Variants in FMN1 observed in about 807,000 individuals in gnomAD.
FMN1 encodes formin 1.
A neutral mutation model predicts 132.4 loss-of-function variants in FMN1; 110 were observed. That is an observed-to-expected ratio of 0.83 (90% CI 0.71 to 0.97). The LOEUF (loss-of-function observed/expected upper bound fraction) is 0.97. Among genes scored for constraint, FMN1 ranks in the 50% least tolerant of loss-of-function variants. The probability of loss-of-function intolerance (pLI) is 0.00; values close to 1 mark genes in which losing one functional copy is unlikely to be tolerated. For synonymous variants in FMN1, 722 were observed against 651.7 expected (o/e 1.11, Z -1.64); for missense variants, 1,792 against 1,705.3 (o/e 1.05, Z -0.90).
chr15:32,827,737 G>A (rs559320149), intron 17 of FMN1, among the ~76,000 whole-genome samples: 5 of 152,016 alleles, frequency 3.3e-5, no homozygotes, highest in East Asian at 1.9e-4. Flanking sequence ...CCAGCTACTC[G>A]GGAGGCTGAG....
At chr15:33,019,053 A>G (rs964765375) in intron 6 of FMN1, among the ~76,000 whole-genome samples, 3 of 152,108 alleles carry the variant, frequency 2.0e-5, no homozygotes, top group East Asian at 1.9e-4. Flanking sequence ...GCGGGTTACC[A>G]CTGCTGGCTC....
At chr15:32,927,090 C>T (rs1215885988) in intron 9 of FMN1, among the ~76,000 whole-genome samples, 1 of 152,068 alleles carries the variant, frequency 6.6e-6, no homozygotes, top group Non-Finnish European at 1.5e-5. Flanking sequence ...AGTCATTGCA[C>T]CTGGCCTATA....
chr15:33,141,269 A>C (rs1387847136), intron 4 of FMN1, among the ~76,000 whole-genome samples: 1 of 152,150 alleles, frequency 6.6e-6, no homozygotes, highest in Non-Finnish European at 1.5e-5. Context: ...AAAGCTGTTA[A>C]GTTTTCCTTT....
intron 6 of FMN1, among the ~76,000 whole-genome samples, chr15:33,018,699 T>C (rs933374302): frequency 6.6e-6 from 1 of 152,162 alleles, no homozygotes; most frequent in Admixed American, 6.5e-5. Flanking sequence ...CTGCGGACCC[T>C]TGCCATGACT....
intron 3 of FMN1, among the ~76,000 whole-genome samples, chr15:33,178,037 C>T (rs143434902): frequency 4.0e-5 from 6 of 151,682 alleles, no homozygotes; most frequent in South Asian, 4.2e-4. Flanking sequence ...AAATATGAGG[C>T]GGGTACGGGC....
chr15:32,819,643 TAAAGA>T (rs1339322202), intron 17 of FMN1, among the ~76,000 whole-genome samples: 1 of 152,072 alleles, frequency 6.6e-6, no homozygotes, highest in East Asian at 1.9e-4. Flanking sequence ...CAAAAAAATT[TAAAGA>T]CGTTTCCTAA....
At chr15:32,925,482 G>A (rs1055818671) in intron 10 of FMN1, among the ~76,000 whole-genome samples, 2 of 152,130 alleles carry the variant, frequency 1.3e-5, no homozygotes, top group Admixed American at 6.5e-5. Flanking sequence ...CCTAAAATGT[G>A]GGGAAGTCTA....
At chr15:33,011,377 C>A (rs569635750) in intron 6 of FMN1, among the ~76,000 whole-genome samples, 1 of 151,974 alleles carries the variant, frequency 6.6e-6, no homozygotes, top group Non-Finnish European at 1.5e-5. Flanking sequence ...TGGAAAAAGA[C>A]AAAACTGGAT....
At chr15:33,143,112 T>C (rs1290911525) in intron 4 of FMN1, among the ~76,000 whole-genome samples, 1 of 152,226 alleles carries the variant, frequency 6.6e-6, no homozygotes, top group Admixed American at 6.5e-5. Flanking sequence ...GATCAGTTTC[T>C]TTGTTCCCCA....
At chr15:33,028,606 C>G (rs2035792098) in intron 6 of FMN1, among the ~76,000 whole-genome samples, 5 of 152,132 alleles carry the variant, frequency 3.3e-5, no homozygotes, top group African/African-American at 9.7e-5. Flanking sequence ...TGGCAAAACT[C>G]AAGATAATCT....
intron 3 of FMN1, among the ~76,000 whole-genome samples, chr15:33,157,783 G>C (rs983068804): frequency 2.6e-5 from 4 of 152,034 alleles, no homozygotes; most frequent in African/African-American, 9.7e-5. Flanking sequence ...TTGAGCTCAG[G>C]AATTTGAGAC....
chr15:32,897,852 G>C (rs1438911415), intron 15 of FMN1, among the ~76,000 whole-genome samples: 1 of 152,118 alleles, frequency 6.6e-6, no homozygotes, highest in Non-Finnish European at 1.5e-5. Flanking sequence ...AAACAAAACA[G>C]GGAAGGACAT....
Position 32,964,147 on chromosome 15 carries a change from G to C in FMN1, c.3098C>G (p.Pro1033Arg). The C allele has an allele frequency of 6.2e-7, 1 of 1,612,654 alleles. No homozygotes were observed. Among genetic ancestry groups the C allele is most frequent in the Non-Finnish European group, 8.5e-7 (1 of 1,179,270 alleles). Reference protein sequence around the residue: ...SKDTTQQKKKPLSETYEKKNK... With the variant: ...SKDTTQQKKKRLSETYEKKNK... ...TTTCTTCTCATAAGTCTCTGACAGA[G>C]GTTTTTTCTTCTGTTGAGTTGTGTC... Residue 1033 changes from proline to arginine, a missense_variant, in exon 9 of 21, where the codon CCT becomes CGT. By Grantham distance (103) the Pro-to-Arg change is moderately radical. This residue lies in a region of FMN1 where 1,150 missense variants were observed against 1,043.1 expected (regional missense o/e 1.10). Transcript: ENST00000616417.
chr15:32,885,028 T>C (rs1406966083), intron 16 of FMN1, among the ~76,000 whole-genome samples: 1 of 152,250 alleles, frequency 6.6e-6, no homozygotes, highest in Non-Finnish European at 1.5e-5. Flanking sequence ...GTCCTATAAC[T>C]GTCCCATTTT....
chr15:33,055,094 G>A (rs1311538263), intron 6 of FMN1, among the ~76,000 whole-genome samples: 1 of 152,070 alleles, frequency 6.6e-6, no homozygotes, highest in East Asian at 1.9e-4. Context: ...TACCCCTGCA[G>A]CATTAATATC....
chr15:32,813,057 A>C (rs2141054529), intron 17 of FMN1, among the ~76,000 whole-genome samples: 3 of 152,294 alleles, frequency 2.0e-5, no homozygotes, highest in Middle Eastern at 6.8e-3. Flanking sequence ...GTCATTCCCT[A>C]AACAACACAG....
intron 5 of FMN1, chr15:33,066,904 C>T (rs781496696): frequency 1.2e-6 from 2 of 1,613,988 alleles, no homozygotes; most frequent in East Asian, 2.2e-5. Flanking sequence ...TCTTCTCACT[C>T]TTCACTGTCT....
chr15:33,075,687 T>C (rs1052530045), intron 5 of FMN1, among the ~76,000 whole-genome samples: 2 of 152,136 alleles, frequency 1.3e-5, no homozygotes, highest in Non-Finnish European at 2.9e-5. Flanking sequence ...AAAAAATCCA[T>C]GAATTTGGGG....
chr15:33,022,787 A>G (rs1395469980), intron 6 of FMN1, among the ~76,000 whole-genome samples: 1 of 152,180 alleles, frequency 6.6e-6, no homozygotes, highest in Non-Finnish European at 1.5e-5. Context: ...AACGTGGGGC[A>G]GGAAGCCAGG....
Sources: allele counts gnomAD v4.1 joint callset (sites outside exome capture counted in the v4.1 genomes callset), GRCh38; gene constraint gnomAD v4.1.1; regional missense constraint gnomAD v4.1.1; transcripts MANE v1.5; gene names NCBI Gene and HGNC (gene_info 2026-07-23, HGNC 2026-07-21).